Variants in MTREX observed in about 807,000 individuals in gnomAD.
The protein encoded by MTREX is Mtr4 exosome RNA helicase, also known as exosome RNA helicase MTR4.
A neutral mutation model predicts 135.4 loss-of-function variants in MTREX; 76 were observed. That is an observed-to-expected ratio of 0.56 (90% CI 0.47 to 0.68). The LOEUF (loss-of-function observed/expected upper bound fraction) is 0.68. Ranked by LOEUF, MTREX falls within the 30% of genes least tolerant of loss-of-function variation. The pLI is 0.00. For missense variants in MTREX, 920 were observed against 1,262.1 expected (o/e 0.73, Z 4.11); for synonymous variants, 404 against 401.6 (o/e 1.01, Z -0.07).
chr5:55,406,223 A>T (rs771564554), intron 22 of MTREX, among the ~76,000 whole-genome samples: 21 of 152,204 alleles, frequency 1.4e-4, no homozygotes, highest in Non-Finnish European at 2.8e-4. Context: ...TATTGTTTTT[A>T]TGGGTCAGAA....
rs141063212 is a variant in MTREX at position 55,417,247 on chromosome 5, G to T, written c.2971+1115G>T. Among the ~76,000 whole-genome samples, 663 of 152,268 alleles carry T rather than the reference G, an allele frequency of 4.4e-3. 3 individuals carry two copies. The highest frequency in any genetic ancestry group is 0.013 in the South Asian group (65 of 4,828). ...CTGTTACTGGGAAAGTCATTGCCCA[G>T]TAAGTACTATATGCCAAACACTGTG... On this transcript the variant is annotated intron_variant, in intron 25 of 26. Transcript: ENST00000230640.
At chr5:55,424,610 C>G in intron 26 of MTREX, 110 bp from the exon 27 acceptor site, 1 of 705,536 alleles carries the variant, frequency 1.4e-6, no homozygotes, top group Non-Finnish European at 2.5e-6. Flanking sequence ...TTCTAGGCTG[C>G]TCGCTTACCA....
chr5:55,407,541 A>ATT lies in MTREX; in HGVS notation c.2645+1954_2645+1955dup, dbSNP rs1017538693. Among the ~76,000 whole-genome samples, 7 of 152,276 alleles carry ATT rather than the reference A, an allele frequency of 4.6e-5. No homozygotes were observed. In the Middle Eastern group the frequency reaches 0.01, roughly 223 times the overall value. ...ATTTTTCATTTATAGTAATAACAAT[A>ATT]TTATATCAAAGTTTGTTAACTTTCC... On this transcript the variant is annotated intron_variant, in intron 22 of 26. Coordinates refer to ENST00000230640, the MANE Select transcript of MTREX (RefSeq NM_015360.5).
chr5:55,403,984 C>A (rs1750761398), intron 21 of MTREX, among the ~76,000 whole-genome samples: 1 of 152,184 alleles, frequency 6.6e-6, no homozygotes, highest in East Asian at 1.9e-4. Flanking sequence ...ACTTAGTAAT[C>A]TCTCCGTGCC....
At chr5:55,401,817 C>T (rs865994080) in intron 21 of MTREX, among the ~76,000 whole-genome samples, 1 of 152,126 alleles carries the variant, frequency 6.6e-6, no homozygotes, top group African/African-American at 2.4e-5. Flanking sequence ...CAATCCTTTC[C>T]ACTACCTACT....
rs1215371287 is a variant in MTREX, at chr5:55,353,225, T to C, written c.1489T>C (p.Leu497=). The C allele has an allele frequency of 3.7e-6, 6 of 1,610,658 alleles. No individual in the cohort carries two copies. Among genetic ancestry groups the C allele is most frequent in the Non-Finnish European group, 5.1e-6 (6 of 1,178,526 alleles). Residue 497 remains leucine, a synonymous_variant, in exon 14 of 27, where the codon TTA becomes CTA. Coordinates refer to ENST00000230640, the MANE Select transcript of MTREX (RefSeq NM_015360.5). The stretch of plus-strand genomic sequence containing the variant: ...AATTAACATGCCAGCTAGAACTGTT[T>C]TATTTACAAATGCCCGCAAATTTGA... ...MGINMPARTV[L]FTNARKFDGK...
chr5:55,379,486 G>T (rs977647257), intron 18 of MTREX, among the ~76,000 whole-genome samples: 1 of 151,346 alleles, frequency 6.6e-6, no homozygotes, highest in African/African-American at 2.4e-5. Context: ...CACCAAGCCA[G>T]TCCTTTATAT....
intron 16 of MTREX, among the ~76,000 whole-genome samples, chr5:55,371,199 C>T (rs952560712): frequency 6.6e-6 from 1 of 152,162 alleles, no homozygotes; most frequent in Non-Finnish European, 1.5e-5. Flanking sequence ...ATATCCAGTA[C>T]ATTCAAGTTC....
intron 5 of MTREX, among the ~76,000 whole-genome samples, chr5:55,329,646 C>CT (rs1014856709): frequency 8.6e-5 from 13 of 151,888 alleles, no homozygotes; most frequent in Non-Finnish European, 1.6e-4. Flanking sequence ...AAATCTTTTA[C>CT]TTTTTTTTGA....
chr5:55,405,369 C>A, intron 21 of MTREX, 56 bp from the exon 22 acceptor site: 1 of 1,405,142 alleles, frequency 7.1e-7, no homozygotes, highest in Non-Finnish European at 9.9e-7. Flanking sequence ...GAATAAATCT[C>A]CTTGTACATT....
intron 14 of MTREX, 27 bp from the exon 15 acceptor site, chr5:55,358,546 C>T: frequency 6.4e-7 from 1 of 1,557,584 alleles, no homozygotes; most frequent in Admixed American, 2.2e-5. Flanking sequence ...TTTTCCTAAA[C>T]TCTGAATTTT....
At chr5:55,406,811 C>A (rs1346075275) in intron 22 of MTREX, among the ~76,000 whole-genome samples, 1 of 152,138 alleles carries the variant, frequency 6.6e-6, no homozygotes, top group African/African-American at 2.4e-5. Flanking sequence ...CTTTATAGAT[C>A]AGTGCAATTC....
intron 23 of MTREX, among the ~76,000 whole-genome samples, chr5:55,411,152 A>G (rs1016967189): frequency 5.3e-5 from 8 of 152,190 alleles, no homozygotes; most frequent in South Asian, 4.1e-4. Flanking sequence ...TTCACTTTCA[A>G]CAGTTCTTAA....
chr5:55,322,562 CG>C (rs1423965391), intron 2 of MTREX, 98 bp downstream of exon 2: 3 of 777,400 alleles, frequency 3.9e-6, no homozygotes, highest in Non-Finnish European at 5.9e-6. Context: ...GATATATGCC[CG>C]TATTAGAGAA....
chr5:55,365,775 A>G (rs1750092644), intron 15 of MTREX, among the ~76,000 whole-genome samples: 1 of 152,098 alleles, frequency 6.6e-6, no homozygotes, highest in Non-Finnish European at 1.5e-5. Flanking sequence ...GTGGGCGGAG[A>G]GGTCAAGAGA....
At chr5:55,404,613 G>A (rs890045402) in intron 21 of MTREX, among the ~76,000 whole-genome samples, 1 of 152,176 alleles carries the variant, frequency 6.6e-6, no homozygotes, top group Non-Finnish European at 1.5e-5. Flanking sequence ...GCTGGGATTG[G>A]TACTTTTGGA....
At chr5:55,359,217 G>T (rs1219087265) in intron 15 of MTREX, among the ~76,000 whole-genome samples, 1 of 152,160 alleles carries the variant, frequency 6.6e-6, no homozygotes, top group Admixed American at 6.5e-5. Flanking sequence ...TATTTTGCTT[G>T]CTTAGTATTT....
At position 55,425,564 on chromosome 5, in the gene MTREX, AAAAG is replaced by A; in HGVS notation, c.*794_*797del. 4.3e-6 allele frequency: 2 copies of A among 464,752 alleles called. No homozygotes were observed. Among genetic ancestry groups the A allele is most frequent in the Non-Finnish European group, 7.3e-6 (2 of 273,628 alleles). The allele number at this position is 464,752 out of a possible 1,614,324, so 28.8% of individuals were successfully genotyped here. A position where few individuals can be genotyped will look rare whatever the true frequency, so the allele number is the denominator to read the frequency against. ...TAGCTTCATTTTGCCAATACTGAATAAAAGAGTTATTTCTACATGTGAATTAGTT... is the reference window on the plus strand; with the variant it reads ...TAGCTTCATTTTGCCAATACTGAATAAGTTATTTCTACATGTGAATTAGTT... On this transcript the variant is annotated 3_prime_UTR_variant, in exon 27 of 27. Coordinates refer to ENST00000230640, the MANE Select transcript of MTREX (RefSeq NM_015360.5).
intron 16 of MTREX, among the ~76,000 whole-genome samples, chr5:55,375,960 G>T (rs931527524): frequency 6.6e-6 from 1 of 152,058 alleles, no homozygotes; most frequent in Non-Finnish European, 1.5e-5. Context: ...AGCCTTGTTC[G>T]TTCTCTCGAT....
Sources: gnomAD v4.1 joint callset for allele counts (sites outside exome capture counted in the v4.1 genomes callset) on GRCh38, gnomAD v4.1.1 for gene constraint, MANE v1.5 for transcripts, NCBI Gene and HGNC (gene_info 2026-07-23, HGNC 2026-07-21) for gene names.